HAUS1: variants seen among roughly 807,000 people sequenced by gnomAD.
HAUS1 encodes HAUS augmin like complex subunit 1, also known as HAUS augmin-like complex subunit 1.
HAUS1 carries 25 observed loss-of-function variants against 38.6 expected under a neutral mutation model. The observed-to-expected ratio is 0.65, with a 90% CI of 0.47 to 0.91. The LOEUF (loss-of-function observed/expected upper bound fraction) is 0.91. HAUS1 is among the 40% of genes least tolerant of loss of function. The pLI is 0.00. For missense variants in HAUS1, 325 were observed against 328.4 expected (o/e 0.99, Z 0.08); for synonymous variants, 109 against 112.9 (o/e 0.97, Z 0.22).
At chr18:46,128,014 TA>T in intron 8 of HAUS1, 60 bp from the exon 9 acceptor site, 1 of 985,004 alleles carries the variant, frequency 1.0e-6, no homozygotes, top group South Asian at 2.0e-5. Context: ...TAAATAACAT[TA>T]AATAAAAGTT....
chr18:46,122,305 TA>T (rs34707743), intron 4 of HAUS1, among the ~76,000 whole-genome samples, 161 bp from the exon 5 acceptor site: 185 of 140,188 alleles, frequency 1.3e-3, no homozygotes, highest in Non-Finnish European at 1.2e-3. Flanking sequence ...CCTCATCTCT[TA>T]AAAAAAAAAA....
intron 2 of HAUS1, among the ~76,000 whole-genome samples, chr18:46,115,413 T>C (rs986695983): frequency 4.7e-4 from 69 of 147,678 alleles, no homozygotes; most frequent in Admixed American, 1.1e-3. Context: ...GAGCCGAGAT[T>C]GTGCCACTGC....
chr18:46,105,645 G>T (rs578003074), intron 2 of HAUS1, among the ~76,000 whole-genome samples: 2 of 151,374 alleles, frequency 1.3e-5, no homozygotes, highest in East Asian at 3.9e-4. Flanking sequence ...GCAGTGGTGT[G>T]ATCTCAGCTC....
At chr18:46,125,674 T>G in intron 7 of HAUS1, 70 bp from the exon 8 acceptor site, 3 of 1,046,554 alleles carry the variant, frequency 2.9e-6, no homozygotes, top group Non-Finnish European at 4.3e-6. Flanking sequence ...AAAAGGATTA[T>G]GGCATTATTT....
At chr18:46,104,542 T>C in intron 1 of HAUS1, 101 bp downstream of exon 1, 1 of 988,682 alleles carries the variant, frequency 1.0e-6, no homozygotes, top group African/African-American at 1.7e-5. Flanking sequence ...TCTACTTTTC[T>C]CTCCCCTATT....
chr18:46,125,469 C>T (rs1414361306), intron 7 of HAUS1, among the ~76,000 whole-genome samples: 2 of 151,698 alleles, frequency 1.3e-5, no homozygotes, highest in Non-Finnish European at 2.9e-5. Context: ...ATCGCTTGAA[C>T]CCAGGAGGCA....
chr18:46,125,433 C>T (rs1237038570), intron 7 of HAUS1, among the ~76,000 whole-genome samples: 1 of 151,556 alleles, frequency 6.6e-6, no homozygotes, highest in Admixed American at 6.6e-5. Flanking sequence ...CTTATAATCC[C>T]AGCTACTCAG....
intron 2 of HAUS1, among the ~76,000 whole-genome samples, chr18:46,106,025 T>C (rs1911466519): frequency 6.6e-6 from 1 of 152,240 alleles, no homozygotes; most frequent in Admixed American, 6.5e-5. Context: ...CTATCTGTTT[T>C]TTCTGTTTCC....
chr18:46,122,333 A>AT (rs1451319313), intron 4 of HAUS1, 134 bp from the exon 5 acceptor site: 4 of 782,238 alleles, frequency 5.1e-6, no homozygotes, highest in Non-Finnish European at 8.3e-6. Flanking sequence ...AGAGTGCAAC[A>AT]TGGAGGGGAA....
intron 2 of HAUS1, among the ~76,000 whole-genome samples, chr18:46,110,484 C>T (rs1911601835): frequency 6.6e-6 from 1 of 151,636 alleles, no homozygotes. Context: ...GCTGGGATTA[C>T]AGGCATGAGC....
At chr18:46,122,435 G>A in intron 4 of HAUS1, 32 bp from the exon 5 acceptor site, 1 of 1,605,314 alleles carries the variant, frequency 6.2e-7, no homozygotes, top group South Asian at 1.1e-5. Context: ...AGAAGAAGAA[G>A]AAGAAAATGT....
At chr18:46,119,330 T>G (rs886540167) in intron 3 of HAUS1, among the ~76,000 whole-genome samples, 3 of 145,636 alleles carry the variant, frequency 2.1e-5, no homozygotes, top group African/African-American at 8.0e-5. Context: ...TTGAATTAAA[T>G]AAGTTCAGCA....
At chr18:46,114,524 G>A (rs77215455) in intron 2 of HAUS1, among the ~76,000 whole-genome samples, 3,825 of 152,246 alleles carry the variant, frequency 0.025, 68 homozygotes, top group Non-Finnish European at 0.038. Context: ...CTCACTAGCC[G>A]GAGCAAGGGC....
At chr18:46,106,397 A>G (rs1332409988) in intron 2 of HAUS1, among the ~76,000 whole-genome samples, 1 of 151,676 alleles carries the variant, frequency 6.6e-6, no homozygotes, top group African/African-American at 2.4e-5. Context: ...TGATCCCAGG[A>G]GGCGGAGCTT....
chr18:46,113,249 G>A (rs1911720916), intron 2 of HAUS1, among the ~76,000 whole-genome samples: 1 of 151,100 alleles, frequency 6.6e-6, no homozygotes, highest in Non-Finnish European at 1.5e-5. Flanking sequence ...GCTAAGTTTT[G>A]TATTTTTAGT....
At chr18:46,117,634 G>T (rs1911829951) in intron 2 of HAUS1, among the ~76,000 whole-genome samples, 1 of 152,080 alleles carries the variant, frequency 6.6e-6, no homozygotes, top group Non-Finnish European at 1.5e-5. Context: ...GGGCAACCTA[G>T]CGAGATCTAG....
At chr18:46,107,147 A>G (rs745321928) in intron 2 of HAUS1, among the ~76,000 whole-genome samples, 14 of 152,138 alleles carry the variant, frequency 9.2e-5, no homozygotes, top group Non-Finnish European at 2.1e-4. Flanking sequence ...CACAATCAAG[A>G]TGCAGAACAG....
At chr18:46,120,481 G>A (rs188100922) in intron 4 of HAUS1, among the ~76,000 whole-genome samples, 1,671 of 152,116 alleles carry the variant, frequency 0.011, 8 homozygotes, top group African/African-American at 0.019. Context: ...TGATCCGCCC[G>A]CCTCGGCCTC....
intron 6 of HAUS1, 115 bp from the exon 7 acceptor site, chr18:46,124,707 G>A (rs562169788): frequency 2.3e-5 from 13 of 564,946 alleles, no homozygotes; most frequent in South Asian, 3.2e-5. Flanking sequence ...ATTCGATAAC[G>A]TTATTTAAAA....
Sources: gnomAD v4.1 joint callset for allele counts (sites outside exome capture counted in the v4.1 genomes callset) on GRCh38, gnomAD v4.1.1 for gene constraint, MANE v1.5 for transcripts, NCBI Gene and HGNC (gene_info 2026-07-23, HGNC 2026-07-21) for gene names.